Variants in RALGPS2 observed in about 807,000 individuals in gnomAD.
RALGPS2 encodes ras-specific guanine nucleotide-releasing factor RalGPS2.
Under a neutral mutation model 86.8 loss-of-function variants are expected in RALGPS2, and 43 were observed. The observed-to-expected ratio is 0.50, with a 90% CI of 0.39 to 0.64. RALGPS2 has a LOEUF of 0.64. Ranked by LOEUF, RALGPS2 falls within the 30% of genes least tolerant of loss-of-function variation. The probability of loss-of-function intolerance (pLI) is 0.00; values close to 1 mark genes in which losing one functional copy is unlikely to be tolerated. For missense variants in RALGPS2, 536 were observed against 694.6 expected (o/e 0.77, Z 2.57); for synonymous variants, 243 against 231.3 (o/e 1.05, Z -0.46).
At chr1:178,788,370 A>G (rs1052992964) in intron 4 of RALGPS2, among the ~76,000 whole-genome samples, 1 of 152,252 alleles carries the variant, frequency 6.6e-6, no homozygotes, top group African/African-American at 2.4e-5. Flanking sequence ...CAACACTAAA[A>G]TTCCTGCCCT....
chr1:178,764,094 G>A (rs1457883306), intron 1 of RALGPS2, among the ~76,000 whole-genome samples: 1 of 152,090 alleles, frequency 6.6e-6, no homozygotes, highest in Non-Finnish European at 1.5e-5. Flanking sequence ...TTGTGTGTTT[G>A]TCTGTGTCTC....
chr1:178,801,926 A>T (rs190151768), intron 4 of RALGPS2, among the ~76,000 whole-genome samples: 14 of 152,306 alleles, frequency 9.2e-5, no homozygotes. Flanking sequence ...TTAGAAAACA[A>T]GAGAAAATGT....
At chr1:178,865,272 C>T in intron 8 of RALGPS2, 1 of 1,613,988 alleles carries the variant, frequency 6.2e-7, no homozygotes, top group Non-Finnish European at 8.5e-7. Context: ...TATCTTGTTG[C>T]CATCTTCAAC....
At chr1:178,906,226 T>G (rs1660382129) in intron 18 of RALGPS2, among the ~76,000 whole-genome samples, 1 of 151,916 alleles carries the variant, frequency 6.6e-6, no homozygotes, top group Admixed American at 6.6e-5. Context: ...TACAAAAAAC[T>G]TAGCTGGGCA....
chr1:178,913,156 C>A (rs971781484), intron 19 of RALGPS2, among the ~76,000 whole-genome samples: 1 of 152,042 alleles, frequency 6.6e-6, no homozygotes, highest in Non-Finnish European at 1.5e-5. Context: ...TTGGTGCATA[C>A]CTGTAGTCCC....
chr1:178,785,652 A>T lies in RALGPS2; in HGVS notation c.213+45A>T, dbSNP rs200041880. On this transcript the variant is annotated intron_variant, in intron 4 of 19. Coordinates refer to ENST00000367635, the MANE Select transcript of RALGPS2 (RefSeq NM_152663.5). ...TTCCTTTTAAATATAGAAAACGATCAATCTCAAATTAAGTGTTTTAGAAAT... is the reference window on the plus strand; with the variant it reads ...TTCCTTTTAAATATAGAAAACGATCTATCTCAAATTAAGTGTTTTAGAAAT... 1,261 of 1,525,270 alleles carry T rather than the reference A, an allele frequency of 8.3e-4. 2 individuals carry two copies. Among genetic ancestry groups the T allele is most frequent in the Non-Finnish European group, 1.0e-3 (1,165 of 1,138,502 alleles). 94.5% of individuals were successfully genotyped at this position (1,525,270 alleles called of 1,614,324 possible). A position where few individuals can be genotyped will look rare whatever the true frequency, so the allele number is the denominator to read the frequency against.
chr1:178,743,804 T>G (rs1254101375), intron 1 of RALGPS2, among the ~76,000 whole-genome samples: 1 of 152,152 alleles, frequency 6.6e-6, no homozygotes, highest in East Asian at 1.9e-4. Context: ...AAGAAGAATA[T>G]ACAACCTGAA....
At chr1:178,729,222 C>T (rs111471455) in intron 1 of RALGPS2, among the ~76,000 whole-genome samples, 1 of 152,010 alleles carries the variant, frequency 6.6e-6, no homozygotes, top group Non-Finnish European at 1.5e-5. Flanking sequence ...TTTCTGAAAA[C>T]CTTATTAAAT....
In RALGPS2 at chr1:178,885,091, C is replaced by T. The variant is rs61758797; in HGVS notation, c.920C>T (p.Ala307Val). 3.3e-5 allele frequency: 52 copies of T among 1,592,012 alleles called. No individual in the cohort carries two copies. The highest frequency in any genetic ancestry group is 2.2e-4 in the South Asian group (19 of 86,216). ...TAACCCTTAGGTCCTGAAGTAGGAGCGTCTCCACAGAGTGGACGAAAAAGT... is the reference window on the plus strand; with the variant it reads ...TAACCCTTAGGTCCTGAAGTAGGAGTGTCTCCACAGAGTGGACGAAAAAGT... ...REDLVGPEVG[A>V]SPQSGRKSVA... Residue 307 changes from alanine (A) to valine (V), a missense_variant, in exon 12 of 20, where the codon GCG becomes GTG. Around this residue, in one of 3 missense-constraint regions of RALGPS2, gnomAD observed 309 missense variants for 363.0 expected, o/e 0.85. Coordinates refer to ENST00000367635, the MANE Select transcript of RALGPS2 (RefSeq NM_152663.5).
At chr1:178,795,768 T>C (rs1654159863) in intron 4 of RALGPS2, among the ~76,000 whole-genome samples, 1 of 152,192 alleles carries the variant, frequency 6.6e-6, no homozygotes, top group African/African-American at 2.4e-5. Flanking sequence ...TCCGACAGTA[T>C]ATAGAAAAAG....
At position 178,829,776 on chromosome 1, in the gene RALGPS2, G is replaced by A. The variant is rs1235188284; in HGVS notation, c.481-3648G>A. 4.6e-5 allele frequency among the ~76,000 whole-genome samples: 7 copies of A among 151,496 alleles called. No individual in the cohort carries two copies. In the East Asian group the frequency reaches 9.7e-4, roughly 21 times the overall value. The stretch of plus-strand genomic sequence containing the variant: ...TTTATTTTTTTTGAGATGGAGTCTC[G>A]CTCTATCACCCAGGCTGTAGCGCAG... On this transcript the variant is annotated intron_variant, in intron 7 of 19. Transcript: ENST00000367635.
At chr1:178,893,139 T>C (rs1451023771) in intron 15 of RALGPS2, among the ~76,000 whole-genome samples, 2 of 152,130 alleles carry the variant, frequency 1.3e-5, no homozygotes, top group Non-Finnish European at 2.9e-5. Context: ...GACATTTTTG[T>C]CAGCATGTAT....
In RALGPS2 at chr1:178,853,580, C is replaced by T. The variant is rs751878120; in HGVS notation, c.607+20030C>T. ...ATTTGTTTTACTTCCCTTAGGTCTG[C>T]ATCACTGATTTACCTTATAATTTTC... On this transcript the variant is annotated intron_variant, in intron 8 of 19. Transcript: ENST00000367635. 1.1e-5 allele frequency: 18 copies of T among 1,574,556 alleles called. No individual in the cohort carries two copies. The South Asian group carries it at 2.0e-4, about 18-fold the overall frequency.
intron 4 of RALGPS2, among the ~76,000 whole-genome samples, chr1:178,786,019 T>A (rs1653633268): frequency 6.6e-6 from 1 of 152,126 alleles, no homozygotes; most frequent in Admixed American, 6.5e-5. Context: ...GAAAAAATGT[T>A]ACTAAGAAAA....
rs552583110 is a variant in RALGPS2 at position 178,862,574 on chromosome 1, CAAG to C, written c.608-14923_608-14921del. Among the ~76,000 whole-genome samples the C allele has an allele frequency of 3.0e-3, 454 of 151,834 alleles. 1 individual carries two copies. The highest frequency in any genetic ancestry group is 0.011 in the African/African-American group (447 of 41,426). On this transcript the variant is annotated intron_variant, in intron 8 of 19. Coordinates refer to ENST00000367635, the MANE Select transcript of RALGPS2 (RefSeq NM_152663.5). The stretch of plus-strand genomic sequence containing the variant: ...AACCTGTAGGCGTCAACAAGGGCCT[CAAG>C]GAGGAGTTGCATTTTTTTTATTTAT...
At chr1:178,727,375 T>C (rs1489990718) in intron 1 of RALGPS2, among the ~76,000 whole-genome samples, 2 of 152,328 alleles carry the variant, frequency 1.3e-5, no homozygotes, top group African/African-American at 2.4e-5. Flanking sequence ...TCACTTTTCA[T>C]TGAATTAAGG....
chr1:178,753,668 G>A (rs1458381938), intron 1 of RALGPS2: 1 of 152,076 alleles, frequency 6.6e-6, no homozygotes, highest in East Asian at 1.9e-4. Flanking sequence ...TTGAGACCAA[G>A]CGTCTCTGTC....
chr1:178,869,201 C>A (rs1402186140), intron 8 of RALGPS2: 1 of 152,006 alleles, frequency 6.6e-6, no homozygotes, highest in Non-Finnish European at 1.5e-5. Flanking sequence ...TAGCTTTTCT[C>A]TTCATAGTTG....
At chr1:178,790,054 TC>T (rs1267313081) in intron 4 of RALGPS2, among the ~76,000 whole-genome samples, 1 of 152,104 alleles carries the variant, frequency 6.6e-6, no homozygotes, top group African/African-American at 2.4e-5. Flanking sequence ...GCCCAAATGA[TC>T]CTCCCACCTC....
Sources: allele counts gnomAD v4.1 joint callset (sites outside exome capture counted in the v4.1 genomes callset), GRCh38; gene constraint gnomAD v4.1.1; regional missense constraint gnomAD v4.1.1; transcripts MANE v1.5; gene names NCBI Gene and HGNC (gene_info 2026-07-23, HGNC 2026-07-21).